HSPH1: variants seen among roughly 807,000 people sequenced by gnomAD.
HSPH1 encodes heat shock protein family H (Hsp110) member 1.
HSPH1 carries 40 observed loss-of-function variants against 100.0 expected under a neutral mutation model. The ratio of observed to expected loss-of-function variants is 0.40; its 90% CI spans 0.31 to 0.52. The LOEUF is 0.52. Among genes scored for constraint, HSPH1 ranks in the 20% least tolerant of loss-of-function variants. HSPH1 has a pLI of 0.54. For missense variants in HSPH1, 876 were observed against 1,015.1 expected, an observed-to-expected ratio of 0.86 and a Z score of 1.86; for synonymous variants, 403 against 344.0, an observed-to-expected ratio of 1.17 and a Z score of -1.90.
rs865881930 is a variant in HSPH1, at chr13:31,148,423, G to C, written c.1195C>G (p.Pro399Ala). 2.5e-6 allele frequency: 4 copies of C among 1,583,116 alleles called. No individual in the cohort carries two copies. In the South Asian group the frequency reaches 3.5e-5, roughly 14 times the overall value. Residue 399 changes from proline to alanine, a missense_variant, in exon 9 of 18, where the codon CCT (proline) becomes GCT (alanine). By Grantham distance (27) the Pro-to-Ala change is conservative (BLOSUM62 -1). Coordinates refer to ENST00000320027, the MANE Select transcript of HSPH1 (RefSeq NM_006644.4). ...TTCCAGATCAGAGATATTGGAAAAG[G>C]AACTGCATCTGTGACGGAAAATTCT... ...VREFSVTDAV[P>A]FPISLIWNHD...
Position 31,161,727 on chromosome 13 carries a change from A to C in HSPH1, c.-145T>G, listed in dbSNP as rs1425628730. The C allele has an allele frequency of 6.5e-7, 1 of 1,534,048 alleles. No individual in the cohort carries two copies. On this transcript the variant is annotated 5_prime_UTR_variant, in exon 1 of 18. Coordinates refer to ENST00000320027, the MANE Select transcript of HSPH1 (RefSeq NM_006644.4). ...CCGTTCCTCTGACACTCAGAAGGAC[A>C]CACAGACAGCCGCGGCCTGTCAGGA...
chr13:31,157,203 T>A (rs1163981646), intron 2 of HSPH1, among the ~76,000 whole-genome samples: 1 of 152,230 alleles, frequency 6.6e-6, no homozygotes, highest in Non-Finnish European at 1.5e-5. Context: ...TGGCCAAATA[T>A]GAGTCTCAAC....
intron 1 of HSPH1, 55 bp downstream of exon 1, chr13:31,161,421 C>T (rs924049505): frequency 6.3e-6 from 10 of 1,597,412 alleles, no homozygotes; most frequent in South Asian, 1.1e-5. Context: ...ATCTTGGGTC[C>T]CCACACTAAG....
At chr13:31,142,805 G>T (rs1956143138) in intron 12 of HSPH1, among the ~76,000 whole-genome samples, 1 of 152,062 alleles carries the variant, frequency 6.6e-6, no homozygotes, top group African/African-American at 2.4e-5. Flanking sequence ...GGCAAGAGTT[G>T]ATGTGTATGC....
In HSPH1 at chr13:31,136,520, G is replaced by C. The variant is rs1250903458; in HGVS notation, c.*798C>G. 1 of 152,332 alleles carries C rather than the reference G, an allele frequency of 6.6e-6. No homozygotes were observed. The highest frequency in any genetic ancestry group is 1.5e-5 in the Non-Finnish European group (1 of 67,988). The allele number at this position is 152,332 out of a possible 1,614,324, so 9.4% of individuals were successfully genotyped here. The stretch of plus-strand genomic sequence containing the variant: ...AAAACATTTTCACTTAGAAAAGAGA[G>C]AACATAAGCAGTAAAAAAGAAAAAC... On this transcript the variant is annotated 3_prime_UTR_variant, in exon 18 of 18. Coordinates refer to ENST00000320027, the MANE Select transcript of HSPH1 (RefSeq NM_006644.4).
In HSPH1 at chr13:31,135,148, A is replaced by G. The variant is rs1448367754; in HGVS notation, c.*2170T>C. 2.6e-5 allele frequency: 4 copies of G among 152,248 alleles called. No homozygotes were observed. In the South Asian group the frequency reaches 8.3e-4, roughly 31 times the overall value. The allele number at this position is 152,248 out of a possible 1,614,324, so 9.4% of individuals were successfully genotyped here. On this transcript the variant is annotated 3_prime_UTR_variant, in exon 18 of 18. Coordinates refer to ENST00000320027, the MANE Select transcript of HSPH1 (RefSeq NM_006644.4). ...GAGCCAATGATATTAATACGTTATT[A>G]TAAAGTAATCAACATGACAATACTT...
At position 31,156,384 on chromosome 13, in the gene HSPH1, C is replaced by T. The variant is rs532482660; in HGVS notation, c.166-730G>A. ...CAGCCTGGGCGACAGAGCGAGATTC[C>T]GTCTCAAAACAAAAAAAAAAGTTAA... On this transcript the variant is annotated intron_variant, in intron 2 of 17. Transcript: ENST00000320027. Among the ~76,000 whole-genome samples the T allele has an allele frequency of 6.2e-5, 9 of 144,292 alleles. No homozygotes were observed. The South Asian group carries it at 1.5e-3, about 24-fold the overall frequency. 94.7% of individuals were successfully genotyped at this position (144,292 alleles called of 152,430 possible).
At chr13:31,155,878 G>C (rs1224653163) in intron 2 of HSPH1, among the ~76,000 whole-genome samples, 3 of 152,112 alleles carry the variant, frequency 2.0e-5, no homozygotes, top group African/African-American at 4.8e-5. Flanking sequence ...CAGCAAGAGG[G>C]AACAAGAGGC....
intron 12 of HSPH1, among the ~76,000 whole-genome samples, 172 bp downstream of exon 12, chr13:31,143,620 T>G (rs892540340): frequency 6.6e-6 from 1 of 152,176 alleles, no homozygotes; most frequent in Admixed American, 6.6e-5. Context: ...TTAATTGAGC[T>G]TGAATACCTC....
rs1344569326 is a variant in HSPH1, at chr13:31,155,556, A to T, written c.264T>A (p.Ser88Arg). 6.2e-7 allele frequency: 1 copy of T among 1,611,970 alleles called. No individual in the cohort carries two copies. The highest frequency in any genetic ancestry group is 8.5e-7 in the Non-Finnish European group (1 of 1,178,866). The change falls in exon 3 of 18, where the codon AGT becomes AGA. Residue 88 changes from serine to arginine, a missense_variant. Coordinates refer to ENST00000320027, the MANE Select transcript of HSPH1 (RefSeq NM_006644.4). ...CATTTTTCAATGGAACCAAATCGTA[A>T]CTCAAGTTTTCCTTCTCCTTTTGAA... ...PFIQKEKENL[S>R]YDLVPLKNGG... is the part of the protein sequence containing the mutation.
rs1353182413 is a variant in HSPH1, at chr13:31,136,382, C to T, written c.*936G>A. 1 of 152,032 alleles carries T rather than the reference C, an allele frequency of 6.6e-6. No individual in the cohort carries two copies. Among genetic ancestry groups the T allele is most frequent in the Non-Finnish European group, 1.5e-5 (1 of 68,008 alleles). 9.4% of individuals were successfully genotyped at this position (152,032 alleles called of 1,614,324 possible). On this transcript the variant is annotated 3_prime_UTR_variant, in exon 18 of 18. Coordinates refer to ENST00000320027, the MANE Select transcript of HSPH1 (RefSeq NM_006644.4). ...GGTAAAAGGCTCCAAGGATGTATAA[C>T]GAAGTGTTAACAATGTTTTCTTCTG... is the stretch of plus-strand genomic sequence containing the variant.
chr13:31,138,687 A>G (rs1955973057), intron 16 of HSPH1, 94 bp downstream of exon 16: 3 of 1,531,346 alleles, frequency 2.0e-6, no homozygotes, highest in Non-Finnish European at 2.6e-6. Context: ...CCAAAATTTC[A>G]AAGTTAAGAC....
chr13:31,155,287 C>T (rs1026473009), intron 3 of HSPH1, among the ~76,000 whole-genome samples: 14 of 151,920 alleles, frequency 9.2e-5, no homozygotes, highest in African/African-American at 3.4e-4. Context: ...TTACAATTGC[C>T]AAAAAGTCAG....
chr13:31,149,581 C>T (rs990935028), intron 8 of HSPH1, among the ~76,000 whole-genome samples: 5 of 152,082 alleles, frequency 3.3e-5, no homozygotes, highest in African/African-American at 9.7e-5. Flanking sequence ...ATTTCTAACA[C>T]CCTGAAAACT....
At chr13:31,151,387 G>A (rs1956481379) in intron 6 of HSPH1, 196 bp from the exon 7 acceptor site, 3 of 678,148 alleles carry the variant, frequency 4.4e-6, no homozygotes, top group Non-Finnish European at 7.1e-6. Context: ...GAAAATAACT[G>A]TAAAAAGCCT....
rs569247223 is a variant in HSPH1, at chr13:31,137,721, G to A, written c.2371-197C>T. ...TAGAGTATTAATATTCTTCCAGGAT[G>A]TGTTAGGACTATGTACTTACATATA... is the stretch of plus-strand genomic sequence containing the variant. On this transcript the variant is annotated intron_variant, in intron 17 of 17. Transcript: ENST00000320027. 4.7e-4 allele frequency among the ~76,000 whole-genome samples: 72 copies of A among 152,232 alleles called. No homozygotes were observed. The South Asian group carries it at 0.014, about 30-fold the overall frequency.
intron 1 of HSPH1, among the ~76,000 whole-genome samples, chr13:31,161,141 G>A (rs1032424528): frequency 6.6e-6 from 1 of 152,222 alleles, no homozygotes; most frequent in African/African-American, 2.4e-5. Context: ...CCAAGAAAAG[G>A]GAGCGAAGTT....
chr13:31,141,601 T>A (rs752444512), intron 12 of HSPH1, among the ~76,000 whole-genome samples: 4 of 152,054 alleles, frequency 2.6e-5, no homozygotes, highest in Non-Finnish European at 4.4e-5. Flanking sequence ...AAATTATCTT[T>A]ATAGACTCTA....
chr13:31,161,728 C>A lies in HSPH1; in HGVS notation c.-146G>T, dbSNP rs980288526. The stretch of plus-strand genomic sequence containing the variant: ...CGTTCCTCTGACACTCAGAAGGACA[C>A]ACAGACAGCCGCGGCCTGTCAGGAG... On this transcript the variant is annotated 5_prime_UTR_variant, in exon 1 of 18. Transcript: ENST00000320027. 2.6e-6 allele frequency: 4 copies of A among 1,533,840 alleles called. No homozygotes were observed. The highest frequency in any genetic ancestry group is 3.5e-6 in the Non-Finnish European group (4 of 1,145,770).
Sources: gnomAD v4.1 joint callset for allele counts (sites outside exome capture counted in the v4.1 genomes callset) on GRCh38, gnomAD v4.1.1 for gene constraint, MANE v1.5 for transcripts, NCBI Gene and HGNC (gene_info 2026-07-23, HGNC 2026-07-21) for gene names.